The following CAPN3 variants were observed in gnomAD, a reference collection of about 807,000 sequenced individuals.
CAPN3 encodes calpain-3.
CAPN3 carries 88 observed loss-of-function variants against 114.0 expected under a neutral mutation model. That is an observed-to-expected ratio of 0.77 (90% CI 0.65 to 0.92). CAPN3 has a LOEUF of 0.92. Ranked by LOEUF, CAPN3 falls within the 40% of genes least tolerant of loss-of-function variation. The pLI, the probability that CAPN3 is intolerant of heterozygous loss-of-function variation, is 0.00. For synonymous variants in CAPN3, 386 were observed against 382.9 expected, an observed-to-expected ratio of 1.01 and a Z score of -0.09; for missense variants, 1,028 against 1,069.0, an observed-to-expected ratio of 0.96 and a Z score of 0.53.
chr15:42,374,986 AATTTATTT>A (rs71431847), intron 1 of CAPN3, among the ~76,000 whole-genome samples: 5,879 of 133,964 alleles, frequency 0.044, 137 homozygotes, highest in Non-Finnish European at 0.052. Flanking sequence ...TTTAAATAAA[AATTTATTT>A]ATTTATTTAT....
chr15:42,384,410 CAAA>C, intron 1 of CAPN3, 70 bp from the exon 2 acceptor site: 7 of 1,152,412 alleles, frequency 6.1e-6, no homozygotes, highest in African/African-American at 4.5e-5. Context: ...GACTCCGTCT[CAAA>C]AAAATACCTA....
intron 6 of CAPN3, among the ~76,000 whole-genome samples, chr15:42,392,206 C>T (rs1160719917): frequency 2.0e-5 from 3 of 152,020 alleles, no homozygotes; most frequent in Non-Finnish European, 2.9e-5. Context: ...GCTAGACTTA[C>T]ATGTGTCACT....
chr15:42,398,632 C>CAT (rs1451079408), intron 9 of CAPN3, among the ~76,000 whole-genome samples: 1 of 128,152 alleles, frequency 7.8e-6, no homozygotes, highest in Non-Finnish European at 1.6e-5. Flanking sequence ...CACACACACA[C>CAT]ACATATATAT....
chr15:42,391,674 C>T (rs1262033715), intron 6 of CAPN3, among the ~76,000 whole-genome samples: 1 of 152,184 alleles, frequency 6.6e-6, no homozygotes, highest in Non-Finnish European at 1.5e-5. Context: ...TTTAGTGATC[C>T]TGCCCTTCTG....
chr15:42,389,108 G>A lies in CAPN3; in HGVS notation c.801+12G>A. ...GCTGCTCCATTGATGTAAGTCTGGG[G>A]TGTGGGGCACAGGGTGGGGAGCTCC... On this transcript the variant is annotated intron_variant, in intron 5 of 23. Coordinates refer to ENST00000397163, the MANE Select transcript of CAPN3 (RefSeq NM_000070.3). 1 of 1,613,786 alleles carries A rather than the reference G, an allele frequency of 6.2e-7. No individual in the cohort carries two copies. Among genetic ancestry groups the A allele is most frequent in the Non-Finnish European group, 8.5e-7 (1 of 1,179,834 alleles).
chr15:42,388,873 G>A (rs145051382), intron 4 of CAPN3, 55 bp from the exon 5 acceptor site: 4 of 1,518,458 alleles, frequency 2.6e-6, no homozygotes, highest in Non-Finnish European at 3.7e-6. Context: ...GTGGTACCTG[G>A]GTTTTGTTCC....
At chr15:42,408,129 G>A in intron 15 of CAPN3, 82 bp from the exon 16 acceptor site, 1 of 889,382 alleles carries the variant, frequency 1.1e-6, no homozygotes, top group Middle Eastern at 3.3e-4. Context: ...GGATAAAGCT[G>A]CTCCAAGAGA....
rs2053401301 is a variant in CAPN3 at position 42,386,235 on chromosome 15, C to A, written c.448C>A (p.Pro150Thr). The change falls in exon 3 of 24, where the codon CCC becomes ACC. Residue 150 changes from proline to threonine, a missense_variant. Physicochemically the swap from Pro to Thr is conservative, Grantham distance 38. Coordinates refer to ENST00000397163, the MANE Select transcript of CAPN3 (RefSeq NM_000070.3). ...CCAGCACCTTCTTTTCCGAGTCATA[C>A]CCCATGATCAAAGTTTCATCGAAAA... is the stretch of plus-strand genomic sequence containing the variant. ...LNQHLLFRVIPHDQSFIENYA... is the reference protein window; with the variant it reads ...LNQHLLFRVITHDQSFIENYA... 4 of 1,613,934 alleles carry A rather than the reference C, an allele frequency of 2.5e-6. No homozygotes were observed. Among genetic ancestry groups the A allele is most frequent in the African/African-American group, 1.3e-5 (1 of 74,922 alleles).
intron 23 of CAPN3, 74 bp from the exon 24 acceptor site, chr15:42,411,673 G>A (rs548116250): frequency 1.3e-5 from 9 of 672,502 alleles, no homozygotes; most frequent in East Asian, 5.1e-5. Flanking sequence ...CTCTTGCCCC[G>A]TAAGATTCCT....
chr15:42,385,584 A>G, intron 2 of CAPN3: 1 of 492,104 alleles, frequency 2.0e-6, no homozygotes, highest in Non-Finnish European at 4.1e-6. Flanking sequence ...GTTACCTCCA[A>G]CTACATACAG....
rs771081602 is a variant in CAPN3, at chr15:42,408,282, C to T, written c.1872C>T (p.Gly624=). ...ELGVDQESEE[G]KGKTSPDKQK... ...GTGTGGACCAGGAGTCAGAGGAGGGCAAAGGCAAAACAAGCCCTGATAAGC... is the reference window on the plus strand; with the variant it reads ...GTGTGGACCAGGAGTCAGAGGAGGGTAAAGGCAAAACAAGCCCTGATAAGC... The change falls in exon 16 of 24, where the codon GGC becomes GGT. Residue 624 remains glycine, a synonymous_variant. Coordinates refer to ENST00000397163, the MANE Select transcript of CAPN3 (RefSeq NM_000070.3). The T allele has an allele frequency of 1.5e-5, 25 of 1,613,686 alleles. No individual in the cohort carries two copies. Among genetic ancestry groups the T allele is most frequent in the Non-Finnish European group, 2.1e-5 (25 of 1,179,798 alleles).
chr15:42,400,954 G>A (rs1332949400), intron 10 of CAPN3, among the ~76,000 whole-genome samples: 1 of 152,174 alleles, frequency 6.6e-6, no homozygotes, highest in Non-Finnish European at 1.5e-5. Context: ...AGCACTTTGG[G>A]AGGCTGAGGC....
At chr15:42,388,465 C>G (rs138651951) in intron 4 of CAPN3, among the ~76,000 whole-genome samples, 1 of 152,188 alleles carries the variant, frequency 6.6e-6, no homozygotes, top group African/African-American at 2.4e-5. Flanking sequence ...ATCACCATGC[C>G]CAGTTAATTT....
intron 6 of CAPN3, among the ~76,000 whole-genome samples, chr15:42,390,795 T>G (rs1345943019): frequency 8.7e-5 from 13 of 150,248 alleles, no homozygotes; most frequent in Admixed American, 2.6e-4. Context: ...TTTTTGTTTT[T>G]TTTTTTTTTT....
At chr15:42,398,115 T>C (rs1226704351) in intron 9 of CAPN3, among the ~76,000 whole-genome samples, 3 of 132,146 alleles carry the variant, frequency 2.3e-5, no homozygotes, top group African/African-American at 1.3e-4. Context: ...TTGGGGTACA[T>C]ATGTACCCAT....
Position 42,403,726 on chromosome 15 carries a change from CTG to C in CAPN3, c.1746-13_1746-12del. On this transcript the variant is annotated splice_polypyrimidine_tract_variant and intron_variant, in intron 13 of 23. Transcript: ENST00000397163. ...CTGGTGACACTGAGACCCCACATGT[CTG>C]TATTCCTCACAGGGAAGTTGAAAAT... 1.2e-6 allele frequency: 2 copies of C among 1,613,090 alleles called. No homozygotes were observed. The highest frequency in any genetic ancestry group is 1.7e-6 in the Non-Finnish European group (2 of 1,179,106).
chr15:42,370,953 C>T (rs1278081464), intron 1 of CAPN3, among the ~76,000 whole-genome samples: 2 of 152,118 alleles, frequency 1.3e-5, no homozygotes, highest in East Asian at 3.9e-4. Flanking sequence ...CCAGCTCCAC[C>T]GATTAACGAT....
intron 1 of CAPN3, among the ~76,000 whole-genome samples, 198 bp downstream of exon 1, chr15:42,360,312 C>T (rs1329303458): frequency 6.6e-6 from 1 of 151,496 alleles, no homozygotes; most frequent in Non-Finnish European, 1.5e-5. Context: ...CAGCAAAATC[C>T]AGAGGGAGAG....
In CAPN3 at chr15:42,396,843, C is replaced by T. The variant is rs1225970825; in HGVS notation, c.1159C>T (p.Leu387=). ...TGTGGACAAAGATGAGAAGGCCCGT[C>T]TGCAGCACCAGGTCACTGAGGATGG... The part of the protein sequence containing the change: ...SFVDKDEKAR[L]QHQVTEDGEF... Residue 387 remains leucine, a synonymous_variant, in exon 9 of 24, where the codon CTG becomes TTG. Coordinates refer to ENST00000397163, the MANE Select transcript of CAPN3 (RefSeq NM_000070.3). The T allele has an allele frequency of 1.9e-6, 3 of 1,614,070 alleles. No individual in the cohort carries two copies. The highest frequency in any genetic ancestry group is 1.7e-5 in the Admixed American group (1 of 60,014).
Sources: gnomAD v4.1 joint callset for allele counts (sites outside exome capture counted in the v4.1 genomes callset) on GRCh38, gnomAD v4.1.1 for gene constraint, MANE v1.5 for transcripts, NCBI Gene and HGNC (gene_info 2026-07-23, HGNC 2026-07-21) for gene names.